The following MB21D2 variants were observed in gnomAD, a reference collection of about 807,000 sequenced individuals.
MB21D2 encodes the protein nucleotidyltransferase MB21D2.
MB21D2 carries 9 observed loss-of-function variants against 33.3 expected under a neutral mutation model. The ratio of observed to expected loss-of-function variants is 0.27; its 90% confidence interval spans 0.16 to 0.47. The LOEUF is 0.47. MB21D2 is among the 20% of genes least tolerant of loss of function. The pLI is 0.99. For synonymous variants in MB21D2, 241 were observed against 236.3 expected (o/e 1.02, Z -0.18); for missense variants, 540 against 624.6 (o/e 0.86, Z 1.44).
At chr3:192,812,172 C>T (rs573164231) in intron 1 of MB21D2, among the ~76,000 whole-genome samples, 8 of 152,094 alleles carry the variant, frequency 5.3e-5, no homozygotes, top group East Asian at 1.9e-4. Flanking sequence ...CTCAGCCTCC[C>T]GAGTAGCTGG....
intron 1 of MB21D2, among the ~76,000 whole-genome samples, chr3:192,841,113 A>G (rs1175306264): frequency 6.6e-6 from 1 of 152,234 alleles, no homozygotes; most frequent in Non-Finnish European, 1.5e-5. Flanking sequence ...AGGGCAACAC[A>G]TTATTTTGAA....
chr3:192,881,329 T>A (rs7647630), intron 1 of MB21D2, among the ~76,000 whole-genome samples: 1,817 of 152,112 alleles, frequency 0.012, 58 homozygotes, highest in African/African-American at 0.042. Context: ...CAGGAGGACA[T>A]AGGCTAATGA....
chr3:192,874,607 C>T (rs1713388987), intron 1 of MB21D2, among the ~76,000 whole-genome samples: 1 of 152,160 alleles, frequency 6.6e-6, no homozygotes, highest in African/African-American at 2.4e-5. Context: ...TTTATATGGA[C>T]TGTCTGTGCT....
At chr3:192,903,411 A>G (rs1326549462) in intron 1 of MB21D2, among the ~76,000 whole-genome samples, 1 of 152,218 alleles carries the variant, frequency 6.6e-6, no homozygotes, top group Admixed American at 6.5e-5. Context: ...TAAAATTATA[A>G]GAATCTGTCC....
intron 1 of MB21D2, among the ~76,000 whole-genome samples, chr3:192,862,897 TG>T (rs1713081903): frequency 6.6e-6 from 1 of 152,208 alleles, no homozygotes; most frequent in Non-Finnish European, 1.5e-5. Flanking sequence ...GCTTGCGCTC[TG>T]CCTCAAAAAA....
chr3:192,908,644 T>C (rs1168512532), intron 1 of MB21D2, among the ~76,000 whole-genome samples: 2 of 151,678 alleles, frequency 1.3e-5, no homozygotes, highest in Admixed American at 1.3e-4. Flanking sequence ...GGTCTCGATC[T>C]CCTGACCTCG....
chr3:192,798,671 G>A lies in MB21D2; in HGVS notation c.1191C>T (p.Ala397=). ...HLSEETVMLH[A]RKLSSVRSDP... is the part of the protein sequence containing the mutation. ...CTGAGCGCACAGAGGACAGCTTCCG[G>A]GCGTGAAGCATGACTGTCTCCTCAG... is the stretch of plus-strand genomic sequence containing the variant. The change falls in exon 2 of 2, where the codon GCC becomes GCT. Residue 397 remains alanine (A), a synonymous_variant. Coordinates refer to ENST00000392452, the MANE Select transcript of MB21D2 (RefSeq NM_178496.4). The surrounding 1 kb of genome is among the most constrained non-coding windows in gnomAD (Gnocchi z 4.8). 1 of 1,613,376 alleles carries A rather than the reference G, an allele frequency of 6.2e-7. No homozygotes were observed. The highest frequency in any genetic ancestry group is 1.1e-5 in the South Asian group (1 of 91,080).
chr3:192,798,605 C>T lies in MB21D2; in HGVS notation c.1257G>A (p.Lys419=). 6.2e-7 allele frequency: 1 copy of T among 1,614,090 alleles called. No individual in the cohort carries two copies. The highest frequency in any genetic ancestry group is 1.3e-5 in the African/African-American group (1 of 75,058). ...EHLRTAIEHV[K]AANRLTLELQ... ...GCTCCAGTGTCAGCCGGTTGGCTGCCTTGACATGCTCAATGGCGGTGCGCA... is the reference window on the plus strand; with the variant it reads ...GCTCCAGTGTCAGCCGGTTGGCTGCTTTGACATGCTCAATGGCGGTGCGCA... The change falls in exon 2 of 2, where the codon AAG becomes AAA. Residue 419 remains lysine (K), a synonymous_variant. Transcript: ENST00000392452. The surrounding 1 kb of genome is among the most constrained non-coding windows in gnomAD (Gnocchi z 4.8).
At chr3:192,808,831 G>T (rs1711722526) in intron 1 of MB21D2, among the ~76,000 whole-genome samples, 1 of 152,224 alleles carries the variant, frequency 6.6e-6, no homozygotes, top group African/African-American at 2.4e-5. Context: ...TATGTCATTT[G>T]TAAACTGCAG....
rs1714227779 is a variant in MB21D2, at chr3:192,906,921, A to C, written c.211+10709T>G. 1.3e-5 allele frequency among the ~76,000 whole-genome samples: 2 copies of C among 152,258 alleles called. 1 individual carries two copies. The highest frequency in any genetic ancestry group is 4.1e-4 in the South Asian group (2 of 4,838). ...TACTAGTTGGAAGAGACGAAAGCCT[A>C]AACAAGACTTATACCAACTCCCACT... On this transcript the variant is annotated intron_variant, in intron 1 of 1. Coordinates refer to ENST00000392452, the MANE Select transcript of MB21D2 (RefSeq NM_178496.4).
intron 1 of MB21D2, among the ~76,000 whole-genome samples, chr3:192,860,809 C>T (rs1215627251): frequency 6.6e-6 from 1 of 152,240 alleles, no homozygotes; most frequent in Non-Finnish European, 1.5e-5. Flanking sequence ...AATCCATAGA[C>T]ACCACAGAGG....
intron 1 of MB21D2, among the ~76,000 whole-genome samples, chr3:192,900,081 G>C (rs1021209801): frequency 6.6e-6 from 1 of 151,686 alleles, no homozygotes; most frequent in Non-Finnish European, 1.5e-5. Context: ...TCAGGAGATC[G>C]AGACCATCCT....
chr3:192,868,280 C>T (rs182862841), intron 1 of MB21D2, among the ~76,000 whole-genome samples: 6 of 152,290 alleles, frequency 3.9e-5, no homozygotes, highest in East Asian at 3.9e-4. Flanking sequence ...ATATTGGACT[C>T]TCATTGTCTG....
chr3:192,878,223 A>G (rs1283073418), intron 1 of MB21D2, among the ~76,000 whole-genome samples: 1 of 151,582 alleles, frequency 6.6e-6, no homozygotes, highest in Non-Finnish European at 1.5e-5. Context: ...TCCTCACCTC[A>G]ACACCCAAAA....
At chr3:192,901,900 T>C (rs1460328853) in intron 1 of MB21D2, among the ~76,000 whole-genome samples, 3 of 152,288 alleles carry the variant, frequency 2.0e-5, no homozygotes, top group East Asian at 1.9e-4. Context: ...ATTAAACCCA[T>C]TGGGGGAGTG....
At chr3:192,845,593 C>A (rs1712664617) in intron 1 of MB21D2, among the ~76,000 whole-genome samples, 1 of 152,232 alleles carries the variant, frequency 6.6e-6, no homozygotes, top group South Asian at 2.1e-4. Flanking sequence ...TCTGAATGTT[C>A]CACACCCTAA....
At chr3:192,896,794 T>C (rs2367130) in intron 1 of MB21D2, among the ~76,000 whole-genome samples, 78,164 of 151,948 alleles carry the variant, frequency 0.51, 20,243 homozygotes, top group South Asian at 0.53. Context: ...AACTCTGATA[T>C]TCAGAGAAAA....
At chr3:192,844,576 CAT>C (rs924803001) in intron 1 of MB21D2, among the ~76,000 whole-genome samples, 16 of 152,240 alleles carry the variant, frequency 1.1e-4, no homozygotes, top group African/African-American at 1.2e-4. Flanking sequence ...TGTACAAGCA[CAT>C]GTCTCCTGAT....
chr3:192,875,953 G>A (rs1713418997), intron 1 of MB21D2, among the ~76,000 whole-genome samples: 2 of 152,138 alleles, frequency 1.3e-5, no homozygotes, highest in African/African-American at 4.8e-5. Context: ...AGATGCTGAA[G>A]ACGTAGGTAC....
Sources: gnomAD v4.1 joint callset for allele counts (sites outside exome capture counted in the v4.1 genomes callset) on GRCh38, gnomAD v4.1.1 for gene constraint, Gnocchi (gnomAD v3.1) non-coding constraint, MANE v1.5 for transcripts, NCBI Gene and HGNC (gene_info 2026-07-23, HGNC 2026-07-21) for gene names.